Variants in LRRC4C observed in about 807,000 individuals in gnomAD.
The protein encoded by LRRC4C is leucine rich repeat containing 4C, also known as leucine-rich repeat-containing protein 4C.
Under a neutral mutation model 33.6 loss-of-function variants are expected in LRRC4C, and 5 were observed. The observed-to-expected ratio is 0.15, with a 90% confidence interval of 0.08 to 0.31. LRRC4C has a LOEUF of 0.31. Ranked by LOEUF, LRRC4C falls within the 10% of genes least tolerant of loss-of-function variation. The pLI, the probability that LRRC4C is intolerant of heterozygous loss-of-function variation, is 1.00. For synonymous variants in LRRC4C, 329 were observed against 302.0 expected (o/e 1.09, Z -0.93); for missense variants, 560 against 796.7 (o/e 0.70, Z 3.58).
At chr11:41,382,417 T>TTAA (rs1953190987) in intron 1 of LRRC4C, among the ~76,000 whole-genome samples, 1 of 152,058 alleles carries the variant, frequency 6.6e-6, no homozygotes, top group South Asian at 2.1e-4. Flanking sequence ...AATACCTGCT[T>TTAA]TAATATAAAC....
At chr11:40,167,102 G>C (rs1008825915) in intron 5 of LRRC4C, among the ~76,000 whole-genome samples, 2 of 152,128 alleles carry the variant, frequency 1.3e-5, no homozygotes, top group Admixed American at 6.5e-5. Flanking sequence ...AATCCTGACC[G>C]TTGGCCTTAT....
At chr11:40,833,331 G>C (rs899298523) in intron 2 of LRRC4C, among the ~76,000 whole-genome samples, 2 of 151,894 alleles carry the variant, frequency 1.3e-5, no homozygotes, top group Non-Finnish European at 2.9e-5. Context: ...TATTGTATGA[G>C]ACATTGATAA....
chr11:40,872,194 C>G (rs1954683777), intron 2 of LRRC4C, among the ~76,000 whole-genome samples: 1 of 152,072 alleles, frequency 6.6e-6, no homozygotes, highest in African/African-American at 2.4e-5. Flanking sequence ...ATACCCATGT[C>G]CAGCTCCCCT....
chr11:41,160,066 T>C (rs1434325413), intron 1 of LRRC4C, among the ~76,000 whole-genome samples: 1 of 151,926 alleles, frequency 6.6e-6, no homozygotes, highest in Non-Finnish European at 1.5e-5. Flanking sequence ...ATTAGAAAAC[T>C]ATCATTACAA....
At chr11:40,164,758 T>C (rs2135382867) in intron 5 of LRRC4C, among the ~76,000 whole-genome samples, 1 of 152,290 alleles carries the variant, frequency 6.6e-6, no homozygotes, top group Non-Finnish European at 1.5e-5. Flanking sequence ...ATGTGAAATG[T>C]TCCCAATACA....
chr11:40,445,110 G>A (rs1490001046), intron 3 of LRRC4C, among the ~76,000 whole-genome samples: 2 of 152,114 alleles, frequency 1.3e-5, no homozygotes, highest in East Asian at 3.9e-4. Flanking sequence ...TCTAAATAAT[G>A]TTCATCATTT....
At chr11:40,739,753 A>T (rs964927444) in intron 2 of LRRC4C, among the ~76,000 whole-genome samples, 7 of 151,984 alleles carry the variant, frequency 4.6e-5, no homozygotes, top group African/African-American at 1.7e-4. Flanking sequence ...CTTGCGAAGA[A>T]GTTGCCTGCC....
At chr11:40,418,267 A>C (rs1389394996) in intron 3 of LRRC4C, among the ~76,000 whole-genome samples, 2 of 152,214 alleles carry the variant, frequency 1.3e-5, no homozygotes, top group Non-Finnish European at 2.9e-5. Context: ...AATTACAAGA[A>C]AAAACAAACA....
rs1948198879 is a variant in LRRC4C, at chr11:40,366,150, A to G, written c.-269-46429T>C. Among the ~76,000 whole-genome samples, 4 of 152,196 alleles carry G rather than the reference A, an allele frequency of 2.6e-5. No homozygotes were observed. In the South Asian group the frequency reaches 8.3e-4, roughly 32 times the overall value. ...TTTCCTAAGGTCATTTCCAGTTATA[A>G]ACTGCTGTATGTGTCTATGCACTCA... On this transcript the variant is annotated intron_variant, in intron 3 of 6. Coordinates refer to ENST00000528697, the MANE Select transcript of LRRC4C (RefSeq NM_001258419.2).
intron 2 of LRRC4C, among the ~76,000 whole-genome samples, chr11:40,694,487 T>C (rs1420861742): frequency 6.6e-6 from 1 of 152,152 alleles, no homozygotes; most frequent in Non-Finnish European, 1.5e-5. Context: ...AGAAACAGAA[T>C]TCCTGTTTGC....
chr11:41,000,027 A>G (rs1402457663), intron 1 of LRRC4C, among the ~76,000 whole-genome samples: 1 of 152,166 alleles, frequency 6.6e-6, no homozygotes, highest in Admixed American at 6.6e-5. Context: ...ACATTAAGCT[A>G]TGGAACAGAA....
chr11:40,940,544 C>G (rs1165735077), intron 1 of LRRC4C, among the ~76,000 whole-genome samples: 6 of 152,140 alleles, frequency 3.9e-5, no homozygotes, highest in African/African-American at 1.2e-4. Flanking sequence ...CAGATCTCCC[C>G]TTTCCTATTT....
intron 1 of LRRC4C, among the ~76,000 whole-genome samples, chr11:41,283,692 A>T (rs1161867330): frequency 6.6e-6 from 1 of 152,124 alleles, no homozygotes; most frequent in Non-Finnish European, 1.5e-5. Context: ...CAGAGACCAT[A>T]AGACCCACAA....
intron 4 of LRRC4C, among the ~76,000 whole-genome samples, chr11:40,304,266 G>A (rs1386612762): frequency 6.6e-6 from 1 of 152,144 alleles, no homozygotes; most frequent in Non-Finnish European, 1.5e-5. Flanking sequence ...CAAGTCATAG[G>A]AGGGTGCCTC....
At chr11:40,434,870 A>G (rs1203777962) in intron 3 of LRRC4C, among the ~76,000 whole-genome samples, 1 of 152,204 alleles carries the variant, frequency 6.6e-6, no homozygotes, top group Non-Finnish European at 1.5e-5. Flanking sequence ...AATATAAAAG[A>G]GAAAGAGAGA....
intron 3 of LRRC4C, among the ~76,000 whole-genome samples, chr11:40,629,465 C>A (rs1471631482): frequency 6.6e-6 from 1 of 152,092 alleles, no homozygotes; most frequent in Non-Finnish European, 1.5e-5. Context: ...TAATTTTAAG[C>A]GTTTGTTTCC....
At chr11:40,215,650 C>A (rs1863920932) in intron 5 of LRRC4C, among the ~76,000 whole-genome samples, 1 of 152,024 alleles carries the variant, frequency 6.6e-6, no homozygotes, top group African/African-American at 2.4e-5. Context: ...AACTGACGTA[C>A]AAAAACAGGC....
At chr11:40,225,648 G>A (rs886505485) in intron 5 of LRRC4C, among the ~76,000 whole-genome samples, 15 of 139,038 alleles carry the variant, frequency 1.1e-4, no homozygotes, top group Admixed American at 2.3e-4. Flanking sequence ...ACAGAGTCTC[G>A]CTCTGTTGCC....
chr11:40,823,287 GA>G (rs1315384423), intron 2 of LRRC4C, among the ~76,000 whole-genome samples: 1 of 151,512 alleles, frequency 6.6e-6, no homozygotes, highest in Non-Finnish European at 1.5e-5. Context: ...TCCTTAGTTA[GA>G]TACAGAATCA....
Sources: allele counts gnomAD v4.1 joint callset (sites outside exome capture counted in the v4.1 genomes callset), GRCh38; gene constraint gnomAD v4.1.1; transcripts MANE v1.5; gene names NCBI Gene and HGNC (gene_info 2026-07-23, HGNC 2026-07-21).